The following FAM193A variants were observed in gnomAD, a reference collection of about 807,000 sequenced individuals.
The protein encoded by FAM193A is family with sequence similarity 193 member A, also known as protein FAM193A.
A neutral mutation model predicts 126.5 loss-of-function variants in FAM193A; 22 were observed. The observed-to-expected ratio is 0.17, with a 90% CI of 0.12 to 0.25. The LOEUF is 0.25. Ranked by LOEUF, FAM193A falls within the 10% of genes least tolerant of loss-of-function variation. FAM193A has a pLI of 1.00. For missense variants in FAM193A, 1,675 were observed against 1,672.8 expected, an observed-to-expected ratio of 1.00 and a Z score of -0.02; for synonymous variants, 761 against 646.8, an observed-to-expected ratio of 1.18 and a Z score of -2.68.
At chr4:2,699,436 A>ACCCCCCCCCC (rs111815931) in intron 18 of FAM193A, among the ~76,000 whole-genome samples, 1 of 61,060 alleles carries the variant, frequency 1.6e-5, no homozygotes, top group South Asian at 8.2e-4. Context: ...GTTAACTACC[A>ACCCCCCCCCC]CCCCCCCCCC....
chr4:2,634,119 T>C (rs1743866671), intron 5 of FAM193A, among the ~76,000 whole-genome samples: 1 of 152,046 alleles, frequency 6.6e-6, no homozygotes, highest in Admixed American at 6.6e-5. Flanking sequence ...ACTAGTAAGG[T>C]TGAAGTGGAA....
At chr4:2,724,139 T>C (rs1720473973) in intron 20 of FAM193A, among the ~76,000 whole-genome samples, 1 of 152,208 alleles carries the variant, frequency 6.6e-6, no homozygotes, top group African/African-American at 2.4e-5. Context: ...TGCATCAGTG[T>C]ATTACTATTA....
chr4:2,597,906 C>A (rs560831280), intron 2 of FAM193A, among the ~76,000 whole-genome samples: 1 of 151,944 alleles, frequency 6.6e-6, no homozygotes, highest in South Asian at 2.1e-4. Context: ...TAACCACTCA[C>A]CTGAATTTTT....
chr4:2,547,498 C>G (rs79523963), intron 1 of FAM193A, among the ~76,000 whole-genome samples: 4,325 of 152,164 alleles, frequency 0.028, 224 homozygotes, highest in African/African-American at 0.098. Context: ...GCGATCCTCC[C>G]ACCTTGGCTT....
At chr4:2,658,831 A>G (rs981701241) in intron 8 of FAM193A, among the ~76,000 whole-genome samples, 1 of 152,004 alleles carries the variant, frequency 6.6e-6, no homozygotes, top group African/African-American at 2.4e-5. Context: ...GCTCACTGCA[A>G]CCTCTGCCTC....
chr4:2,560,678 G>A (rs998245038), intron 1 of FAM193A, among the ~76,000 whole-genome samples: 7 of 152,210 alleles, frequency 4.6e-5, no homozygotes, highest in African/African-American at 1.4e-4. Flanking sequence ...GAATTTATGT[G>A]TAGTACGTTA....
At chr4:2,725,474 AAAGT>A (rs1720631816) in intron 20 of FAM193A, among the ~76,000 whole-genome samples, 1 of 150,740 alleles carries the variant, frequency 6.6e-6, no homozygotes, top group Non-Finnish European at 1.5e-5. Flanking sequence ...AAAAAAAAAA[AAAGT>A]AATCACACCA....
chr4:2,605,999 T>A (rs796425027), intron 2 of FAM193A, among the ~76,000 whole-genome samples: 1,174 of 94,858 alleles, frequency 0.012, 26 homozygotes, highest in African/African-American at 0.03. Flanking sequence ...AAAAAAAAAA[T>A]GGTTTAGTAA....
intron 1 of FAM193A, among the ~76,000 whole-genome samples, chr4:2,538,674 G>GGAGCGTTTGGGGTT (rs1553882815): frequency 1.3e-5 from 2 of 148,816 alleles, no homozygotes; most frequent in East Asian, 4.0e-4. Flanking sequence ...GCTGCTGTCG[G>GGAGCGTTTGGGGTT]GTAGGGGAGG....
intron 18 of FAM193A, among the ~76,000 whole-genome samples, chr4:2,698,691 G>A (rs1717322712): frequency 6.6e-6 from 1 of 152,192 alleles, no homozygotes; most frequent in Non-Finnish European, 1.5e-5. Context: ...GGTTGGTGGT[G>A]GGTGGAGCCG....
At chr4:2,623,110 T>G (rs1324083583) in intron 2 of FAM193A, among the ~76,000 whole-genome samples, 9 of 151,884 alleles carry the variant, frequency 5.9e-5, no homozygotes, top group African/African-American at 2.2e-4. Context: ...TGGGGTGGGA[T>G]TCTTTCAGGA....
chr4:2,659,285 G>A (rs985881897), intron 8 of FAM193A, among the ~76,000 whole-genome samples: 7 of 152,126 alleles, frequency 4.6e-5, no homozygotes, highest in African/African-American at 1.4e-4. Context: ...GGTAAAGGCC[G>A]GGTTTCTGCA....
chr4:2,553,708 C>T (rs1400215811), intron 1 of FAM193A, among the ~76,000 whole-genome samples: 1 of 152,124 alleles, frequency 6.6e-6, no homozygotes, highest in African/African-American at 2.4e-5. Context: ...TATGGTTTGG[C>T]TATGTTCCCA....
intron 19 of FAM193A, among the ~76,000 whole-genome samples, chr4:2,703,303 A>G (rs955215365): frequency 1.3e-5 from 2 of 151,974 alleles, no homozygotes; most frequent in Admixed American, 6.6e-5. Context: ...CTGGAGTGCA[A>G]TGGCGCAATC....
chr4:2,639,129 C>T (rs1415113936), intron 5 of FAM193A, among the ~76,000 whole-genome samples: 2 of 152,156 alleles, frequency 1.3e-5, no homozygotes, highest in Non-Finnish European at 2.9e-5. Flanking sequence ...GTGTTGGGGG[C>T]TTGCTGTACA....
At chr4:2,692,506 G>A (rs1435132237) in intron 15 of FAM193A, among the ~76,000 whole-genome samples, 2 of 152,202 alleles carry the variant, frequency 1.3e-5, no homozygotes, top group African/African-American at 2.4e-5. Flanking sequence ...CTAGCAGACA[G>A]TGCCATGCAC....
At chr4:2,561,947 A>C (rs1738641899) in intron 1 of FAM193A, among the ~76,000 whole-genome samples, 1 of 152,100 alleles carries the variant, frequency 6.6e-6, no homozygotes, top group African/African-American at 2.4e-5. Flanking sequence ...TTCTTCCCAT[A>C]TTACAAAATA....
At chr4:2,659,403 G>A (rs1054493359) in intron 8 of FAM193A, among the ~76,000 whole-genome samples, 155 bp from the exon 9 acceptor site, 5 of 152,144 alleles carry the variant, frequency 3.3e-5, no homozygotes, top group African/African-American at 9.7e-5. Flanking sequence ...GCTTGCTGCC[G>A]ACTCCAGGTC....
intron 1 of FAM193A, among the ~76,000 whole-genome samples, chr4:2,568,717 A>G (rs1739112487): frequency 6.6e-6 from 1 of 152,222 alleles, no homozygotes; most frequent in Non-Finnish European, 1.5e-5. Context: ...TTCCAGTGAA[A>G]AAGGAGGAGT....
Sources: allele counts gnomAD v4.1 joint callset (sites outside exome capture counted in the v4.1 genomes callset), GRCh38; gene constraint gnomAD v4.1.1; transcripts MANE v1.5; gene names NCBI Gene and HGNC (gene_info 2026-07-23, HGNC 2026-07-21).